Variants in GABRA2 observed in about 807,000 individuals in gnomAD.
GABRA2 encodes the protein gamma-aminobutyric acid type A receptor subunit alpha2.
A neutral mutation model predicts 48.7 loss-of-function variants in GABRA2; 16 were observed. The ratio of observed to expected loss-of-function variants is 0.33; its 90% CI spans 0.22 to 0.50. The LOEUF (loss-of-function observed/expected upper bound fraction) is 0.50. Among genes scored for constraint, GABRA2 ranks in the 20% least tolerant of loss-of-function variants. The pLI, the probability that GABRA2 is intolerant of heterozygous loss-of-function variation, is 0.98. For missense variants in GABRA2, 275 were observed against 535.6 expected (o/e 0.51, Z 4.80); for synonymous variants, 185 against 184.5 (o/e 1.00, Z -0.02).
At chr4:46,276,298 T>C (rs1720493135) in intron 8 of GABRA2, among the ~76,000 whole-genome samples, 2 of 152,118 alleles carry the variant, frequency 1.3e-5, no homozygotes, top group African/African-American at 2.4e-5. Flanking sequence ...TAAGCAAAGT[T>C]AACCTAGACA....
chr4:46,377,747 C>T (rs1457631167), intron 3 of GABRA2, among the ~76,000 whole-genome samples: 20 of 142,654 alleles, frequency 1.4e-4, no homozygotes, highest in African/African-American at 4.4e-4. Flanking sequence ...GTCAGCCCCC[C>T]GCCCGGCCAG....
intron 4 of GABRA2, among the ~76,000 whole-genome samples, chr4:46,332,135 C>T (rs191760229): frequency 6.6e-5 from 10 of 152,140 alleles, no homozygotes; most frequent in African/African-American, 1.2e-4. Flanking sequence ...GCAGATTATA[C>T]GTATTGTATG....
intron 4 of GABRA2, among the ~76,000 whole-genome samples, chr4:46,327,483 T>C (rs1367596161): frequency 1.3e-5 from 2 of 152,030 alleles, no homozygotes; most frequent in Non-Finnish European, 2.9e-5. Context: ...TTCTACATGC[T>C]GGCTTTAAAG....
intron 4 of GABRA2, among the ~76,000 whole-genome samples, chr4:46,317,938 T>C (rs1728818514): frequency 6.6e-6 from 1 of 151,694 alleles, no homozygotes; most frequent in South Asian, 2.1e-4. Flanking sequence ...CAAGTCATTT[T>C]AAAAACTAAA....
intron 8 of GABRA2, among the ~76,000 whole-genome samples, chr4:46,298,629 C>T (rs1478016747): frequency 6.6e-6 from 1 of 151,880 alleles, no homozygotes; most frequent in East Asian, 1.9e-4. Flanking sequence ...GTCCCAGGCT[C>T]TATGTTAATA....
Position 46,248,241 on chromosome 4 carries a change from T to C in GABRA2, c.*2067A>G, listed in dbSNP as rs951045511. Among the ~76,000 whole-genome samples the C allele has an allele frequency of 1.3e-5, 2 of 151,502 alleles. No homozygotes were observed. ...TTAAAGTATCTAATAATGCATACCA[T>C]ATAGAGCAATTTCATTGCTTGCCTT... On this transcript the variant is annotated 3_prime_UTR_variant, in exon 10 of 10. Coordinates refer to ENST00000381620, the MANE Select transcript of GABRA2 (RefSeq NM_000807.4).
chr4:46,372,293 G>A (rs1431501586), intron 3 of GABRA2, among the ~76,000 whole-genome samples: 1 of 152,148 alleles, frequency 6.6e-6, no homozygotes, highest in Non-Finnish European at 1.5e-5. Flanking sequence ...CCTAGCTGCA[G>A]AGAACTATGA....
At chr4:46,327,307 T>TA (rs935567729) in intron 4 of GABRA2, among the ~76,000 whole-genome samples, 2 of 151,970 alleles carry the variant, frequency 1.3e-5, no homozygotes, top group Non-Finnish European at 2.9e-5. Flanking sequence ...ACAACTATTT[T>TA]AAAAAATAAT....
At position 46,376,815 on chromosome 4, in the gene GABRA2, G is replaced by A. The variant is rs147814090; in HGVS notation, c.187+9259C>T. On this transcript the variant is annotated intron_variant, in intron 3 of 9. Coordinates refer to ENST00000381620, the MANE Select transcript of GABRA2 (RefSeq NM_000807.4). ...CCTCTCTCCACGGTCTCCCTCTGAT[G>A]CCGAGCTGAAGCTGGACGGTACTGC... 0.015 allele frequency among the ~76,000 whole-genome samples: 2,208 copies of A among 151,642 alleles called. 277 individuals are homozygous for A. The East Asian group carries it at 0.32, about 22-fold the overall frequency.
chr4:46,369,289 G>T (rs1417275537), intron 3 of GABRA2, among the ~76,000 whole-genome samples: 1 of 152,014 alleles, frequency 6.6e-6, no homozygotes, highest in African/African-American at 2.4e-5. Context: ...TCAGCTTGGG[G>T]TCACCAGATT....
At chr4:46,270,599 A>C (rs1719133287) in intron 8 of GABRA2, among the ~76,000 whole-genome samples, 2 of 152,012 alleles carry the variant, frequency 1.3e-5, no homozygotes, top group South Asian at 2.1e-4. Flanking sequence ...AAAATAAAAA[A>C]GGTAAGTACT....
intron 3 of GABRA2, chr4:46,364,834 A>T (rs1036334441): frequency 6.6e-6 from 1 of 152,176 alleles, no homozygotes. Context: ...CATATAACAA[A>T]AACTAATCAT....
intron 8 of GABRA2, among the ~76,000 whole-genome samples, chr4:46,265,001 ATG>A (rs1717821163): frequency 7.1e-6 from 1 of 140,896 alleles, no homozygotes; most frequent in Non-Finnish European, 1.5e-5. Context: ...ATATATATAT[ATG>A]TATAAAGAGA....
intron 8 of GABRA2, among the ~76,000 whole-genome samples, chr4:46,286,134 C>A (rs192075441): frequency 6.6e-6 from 1 of 151,770 alleles, no homozygotes; most frequent in East Asian, 1.9e-4. Context: ...TATCCACTGG[C>A]AACCACTGAA....
chr4:46,263,078 TATATAC>T (rs1031857228), intron 8 of GABRA2, among the ~76,000 whole-genome samples: 51 of 152,000 alleles, frequency 3.4e-4, no homozygotes, highest in South Asian at 1.0e-3. Flanking sequence ...CACACGTACA[TATATAC>T]ATATACATAT....
chr4:46,333,982 C>T (rs1349580289), intron 3 of GABRA2, among the ~76,000 whole-genome samples: 1 of 152,020 alleles, frequency 6.6e-6, no homozygotes, highest in Non-Finnish European at 1.5e-5. Flanking sequence ...ATACTCCGTG[C>T]CAAAGGCATA....
chr4:46,348,443 A>G (rs1482818567), intron 3 of GABRA2, among the ~76,000 whole-genome samples: 1 of 152,086 alleles, frequency 6.6e-6, no homozygotes, highest in East Asian at 1.9e-4. Flanking sequence ...CCAAAGGACT[A>G]TAAATCATGC....
intron 3 of GABRA2, among the ~76,000 whole-genome samples, chr4:46,339,964 T>A (rs1732935610): frequency 6.6e-6 from 1 of 151,820 alleles, no homozygotes; most frequent in Admixed American, 6.6e-5. Flanking sequence ...AAAACTAATT[T>A]TCCTCTCCAA....
At chr4:46,319,997 G>T (rs571857926) in intron 4 of GABRA2, among the ~76,000 whole-genome samples, 2 of 151,716 alleles carry the variant, frequency 1.3e-5, no homozygotes, top group Non-Finnish European at 3.0e-5. Context: ...GCAAGATTTG[G>T]TCTCAAATTC....
Sources: allele counts gnomAD v4.1 joint callset (sites outside exome capture counted in the v4.1 genomes callset), GRCh38; gene constraint gnomAD v4.1.1; transcripts MANE v1.5; gene names NCBI Gene and HGNC (gene_info 2026-07-23, HGNC 2026-07-21).